The following TENT5D variants were observed in gnomAD, a reference collection of about 807,000 sequenced individuals.
The protein encoded by TENT5D is cancer/testis antigen 112.
For synonymous variants in TENT5D, 103 were observed against 100.6 expected, an observed-to-expected ratio of 1.02 and a Z score of -0.15; for missense variants, 191 against 287.0, an observed-to-expected ratio of 0.67 and a Z score of 2.42.
intron 3 of TENT5D, among the ~76,000 whole-genome samples, chrX:80,359,485 TTCA>T (rs1011312216): frequency 1.8e-5 from 2 of 109,262 alleles, no homozygotes; most frequent in Admixed American, 9.8e-5. Flanking sequence ...AAAGAATGAG[TTCA>T]TCGTGGATGA....
intron 3 of TENT5D, among the ~76,000 whole-genome samples, chrX:80,354,694 C>G (rs766617170): frequency 8.0e-5 from 9 of 111,955 alleles, no homozygotes; most frequent in Non-Finnish European, 1.7e-4. Context: ...CCATTTCAGT[C>G]TGGTTAAGAG....
chrX:80,407,516 A>T (rs1336829267), intron 3 of TENT5D, among the ~76,000 whole-genome samples: 2 of 108,605 alleles, frequency 1.8e-5, no homozygotes, highest in Admixed American at 9.8e-5. Flanking sequence ...GCCATTACAT[A>T]ATGGTAAAGG....
intron 3 of TENT5D, among the ~76,000 whole-genome samples, chrX:80,388,868 A>G (rs1931073246): frequency 9.0e-6 from 1 of 111,405 alleles, no homozygotes; most frequent in African/African-American, 3.3e-5. Context: ...GCAGGACTCC[A>G]GAGCACTTTA....
intron 3 of TENT5D, among the ~76,000 whole-genome samples, chrX:80,364,193 A>G (rs1039393830): frequency 1.7e-4 from 19 of 111,723 alleles, no homozygotes; most frequent in Non-Finnish European, 3.6e-4. Flanking sequence ...TTACAAGCTG[A>G]TGTCTCTCAG....
chrX:80,439,532 C>T (rs936943974), intron 2 of TENT5D, among the ~76,000 whole-genome samples: 1 of 111,139 alleles, frequency 9.0e-6, no homozygotes, highest in Non-Finnish European at 1.9e-5. Flanking sequence ...TAAGATAAGT[C>T]CTATTACTTT....
At chrX:80,389,034 A>G (rs190884558) in intron 3 of TENT5D, among the ~76,000 whole-genome samples, 1 of 111,489 alleles carries the variant, frequency 9.0e-6, no homozygotes, top group African/African-American at 3.3e-5. Flanking sequence ...CTGAGTTCCA[A>G]TGTGCAGTTC....
intron 1 of TENT5D, among the ~76,000 whole-genome samples, chrX:80,426,927 T>G (rs1156863479): frequency 1.8e-5 from 2 of 111,356 alleles, no homozygotes; most frequent in African/African-American, 3.3e-5. Context: ...TCCTGTGCTA[T>G]TCTCATGATA....
At chrX:80,404,991 T>C in intron 3 of TENT5D, among the ~76,000 whole-genome samples, 1 of 111,992 alleles carries the variant, frequency 8.9e-6, no homozygotes, top group Middle Eastern at 4.6e-3. Flanking sequence ...CACAGAATAT[T>C]GTTGGAAGGA....
At chrX:80,397,218 C>T (rs1452747268) in intron 3 of TENT5D, among the ~76,000 whole-genome samples, 5 of 103,657 alleles carry the variant, frequency 4.8e-5, no homozygotes, top group South Asian at 4.6e-4. Flanking sequence ...TCAGACGGGG[C>T]GGCCGGGCAG....
intron 3 of TENT5D, among the ~76,000 whole-genome samples, chrX:80,383,432 C>T (rs1210629704): frequency 8.9e-6 from 1 of 112,058 alleles, no homozygotes; most frequent in Admixed American, 9.5e-5. Context: ...AAAGAAGACA[C>T]AGTTTATAGC....
chrX:80,387,581 T>C (rs1313445358), intron 3 of TENT5D, among the ~76,000 whole-genome samples: 2 of 111,805 alleles, frequency 1.8e-5, no homozygotes, highest in African/African-American at 6.5e-5. Flanking sequence ...TTCTCTTCCT[T>C]TACTTTCCCC....
intron 3 of TENT5D, among the ~76,000 whole-genome samples, chrX:80,393,864 T>C (rs1470248591): frequency 8.9e-6 from 1 of 111,970 alleles, no homozygotes; most frequent in Non-Finnish European, 1.9e-5. Context: ...TGCAATTCTA[T>C]CCATGTTTTT....
intron 1 of TENT5D, among the ~76,000 whole-genome samples, chrX:80,434,409 T>C (rs1164936947): frequency 9.0e-6 from 1 of 111,495 alleles, no homozygotes; most frequent in Admixed American, 9.6e-5. Flanking sequence ...CATTACCCAA[T>C]ATATAGTAGT....
chrX:80,395,579 A>T (rs1386980701), intron 3 of TENT5D, among the ~76,000 whole-genome samples: 1 of 111,506 alleles, frequency 9.0e-6, no homozygotes, highest in Non-Finnish European at 1.9e-5. Context: ...TAAATTGATA[A>T]GTAATAATTG....
intron 3 of TENT5D, among the ~76,000 whole-genome samples, chrX:80,377,202 G>C (rs1485812467): frequency 9.0e-6 from 1 of 111,345 alleles, no homozygotes; most frequent in South Asian, 3.7e-4. Context: ...AATGTTGCTA[G>C]ATTAGTGATA....
intron 3 of TENT5D, among the ~76,000 whole-genome samples, chrX:80,383,894 A>G (rs1303997423): frequency 9.0e-6 from 1 of 111,461 alleles, no homozygotes; most frequent in Non-Finnish European, 1.9e-5. Flanking sequence ...AAGACCAATA[A>G]CAGGCTCTGA....
At chrX:80,361,316 G>C (rs1184564431) in intron 3 of TENT5D, among the ~76,000 whole-genome samples, 1 of 112,026 alleles carries the variant, frequency 8.9e-6, no homozygotes, top group African/African-American at 3.2e-5. Context: ...GAAAGGTCCA[G>C]AAAATGTTAT....
At chrX:80,377,426 C>T (rs1462351738) in intron 3 of TENT5D, among the ~76,000 whole-genome samples, 1 of 110,958 alleles carries the variant, frequency 9.0e-6, no homozygotes, top group African/African-American at 3.3e-5. Flanking sequence ...TGATGTTCCC[C>T]GCCCTGTGTC....
intron 3 of TENT5D, among the ~76,000 whole-genome samples, chrX:80,371,941 G>T (rs899153067): frequency 9.0e-6 from 1 of 111,159 alleles, no homozygotes. Flanking sequence ...TCATAAATTG[G>T]CTATTTGGGG....
Sources: allele counts gnomAD v4.1 joint callset (sites outside exome capture counted in the v4.1 genomes callset), GRCh38; gene constraint gnomAD v4.1.1; transcripts MANE v1.5; gene names NCBI Gene and HGNC (gene_info 2026-07-23, HGNC 2026-07-21).